GRIP1: variants seen among roughly 807,000 people sequenced by gnomAD.
GRIP1 encodes the protein glutamate receptor-interacting protein 1.
Under a neutral mutation model 129.9 loss-of-function variants are expected in GRIP1, and 45 were observed. That is an observed-to-expected ratio of 0.35 (90% CI 0.27 to 0.44). The LOEUF is 0.44. Among genes scored for constraint, GRIP1 ranks in the 20% least tolerant of loss-of-function variants. The pLI is 1.00. For synonymous variants in GRIP1, 530 were observed against 520.8 expected (o/e 1.02, Z -0.24); for missense variants, 1,196 against 1,396.8 (o/e 0.86, Z 2.29).
chr12:67,030,917 C>G (rs1462901433), intron 1 of GRIP1, among the ~76,000 whole-genome samples: 1 of 152,050 alleles, frequency 6.6e-6, no homozygotes, highest in South Asian at 2.1e-4. Flanking sequence ...TCATTTTTTT[C>G]AAGCAACTGC....
intron 14 of GRIP1, among the ~76,000 whole-genome samples, chr12:66,423,684 G>T (rs546963741): frequency 6.6e-6 from 1 of 152,300 alleles, no homozygotes; most frequent in African/African-American, 2.4e-5. Flanking sequence ...AGGAGAGACA[G>T]GGCTGGTTAA....
chr12:66,367,454 CT>C (rs2055219249), intron 23 of GRIP1, among the ~76,000 whole-genome samples: 1 of 151,954 alleles, frequency 6.6e-6, no homozygotes, highest in African/African-American at 2.4e-5. Context: ...CCCATGCTCC[CT>C]GAAAGTGCTG....
chr12:66,371,603 G>A (rs528109557), intron 23 of GRIP1, 91 bp downstream of exon 23: 10 of 835,508 alleles, frequency 1.2e-5, no homozygotes, highest in African/African-American at 9.9e-5. Flanking sequence ...CCCATAGGAG[G>A]ATACCATTGC....
chr12:66,564,238 T>A (rs1273140541), intron 2 of GRIP1: 1 of 151,364 alleles, frequency 6.6e-6, no homozygotes, highest in Non-Finnish European at 1.5e-5. Flanking sequence ...TAACTCATCA[T>A]TTACATTAGG....
chr12:66,883,378 AC>A, intron 1 of GRIP1, among the ~76,000 whole-genome samples: 1 of 152,188 alleles, frequency 6.6e-6, no homozygotes, highest in Non-Finnish European at 1.5e-5. Flanking sequence ...CCATCAAAAT[AC>A]CCAACCCATG....
intron 19 of GRIP1, among the ~76,000 whole-genome samples, chr12:66,390,960 C>T (rs1272461889): frequency 6.6e-6 from 1 of 152,222 alleles, no homozygotes; most frequent in Admixed American, 6.5e-5. Context: ...CACCTAACTC[C>T]AGTATCATCT....
intron 1 of GRIP1, among the ~76,000 whole-genome samples, chr12:66,722,450 T>C (rs2036086942): frequency 6.6e-6 from 1 of 152,152 alleles, no homozygotes; most frequent in African/African-American, 2.4e-5. Context: ...GTGCAGGTCA[T>C]GGTGCCCCAA....
upstream of GRIP1, among the ~76,000 whole-genome samples, chr12:66,807,900 A>AT (rs761734338): frequency 1.1e-4 from 16 of 151,814 alleles, no homozygotes; most frequent in South Asian, 2.1e-4. Flanking sequence ...ACACTTCTGA[A>AT]TTTTTTCCCA....
intron 2 of GRIP1, among the ~76,000 whole-genome samples, chr12:66,584,891 T>A (rs1199699105): frequency 6.6e-6 from 1 of 151,886 alleles, no homozygotes; most frequent in African/African-American, 2.4e-5. Context: ...ACCTCTTATT[T>A]CACTAAGGAA....
intron 7 of GRIP1, among the ~76,000 whole-genome samples, chr12:66,496,143 T>C (rs113956375): frequency 0.01 from 1,551 of 152,256 alleles, 9 homozygotes; most frequent in Admixed American, 0.022. Flanking sequence ...AAGTCTCCAG[T>C]GAGCTGGAAA....
intron 14 of GRIP1, among the ~76,000 whole-genome samples, chr12:66,424,939 G>A (rs1427222953): frequency 6.6e-6 from 1 of 151,934 alleles, no homozygotes; most frequent in Non-Finnish European, 1.5e-5. Flanking sequence ...GAAACCCAGA[G>A]GTTCTCTTCT....
chr12:66,742,397 A>T (rs1218032661), intron 1 of GRIP1, among the ~76,000 whole-genome samples: 2 of 152,202 alleles, frequency 1.3e-5, no homozygotes, highest in African/African-American at 4.8e-5. Flanking sequence ...AAATTGCTAC[A>T]CGCAGCTATG....
chr12:66,832,128 C>T (rs1383457183), intron 1 of GRIP1, among the ~76,000 whole-genome samples: 1 of 152,160 alleles, frequency 6.6e-6, no homozygotes, highest in Non-Finnish European at 1.5e-5. Flanking sequence ...CACCTTGCTA[C>T]TAAATCATTT....
chr12:66,731,241 T>C (rs905019333), intron 1 of GRIP1, among the ~76,000 whole-genome samples: 3 of 152,222 alleles, frequency 2.0e-5, no homozygotes, highest in African/African-American at 7.2e-5. Flanking sequence ...GTCTTTGTTA[T>C]AAGTACCATT....
At chr12:66,617,998 C>G (rs187210449) in intron 1 of GRIP1, among the ~76,000 whole-genome samples, 120 of 152,008 alleles carry the variant, frequency 7.9e-4, no homozygotes, top group African/African-American at 2.7e-3. Flanking sequence ...ACCATTTGAC[C>G]CAGAATTCTA....
intron 1 of GRIP1, among the ~76,000 whole-genome samples, chr12:66,813,856 T>G (rs2039153303): frequency 6.6e-6 from 1 of 152,058 alleles, no homozygotes. Flanking sequence ...CAGTGCACAG[T>G]GTTAAATAGG....
intron 15 of GRIP1, among the ~76,000 whole-genome samples, chr12:66,413,216 A>G (rs1239452995): frequency 6.6e-6 from 1 of 152,222 alleles, no homozygotes; most frequent in East Asian, 1.9e-4. Flanking sequence ...GAAGTAAAAC[A>G]TTCCTCAGCA....
intron 1 of GRIP1, among the ~76,000 whole-genome samples, chr12:67,028,352 T>C (rs1035361244): frequency 8.5e-5 from 13 of 152,186 alleles, no homozygotes; most frequent in African/African-American, 3.1e-4. Flanking sequence ...ACATTAAAAT[T>C]AAAGAACAGT....
intron 11 of GRIP1, among the ~76,000 whole-genome samples, chr12:66,447,662 C>T (rs11176185): frequency 0.074 from 11,167 of 151,830 alleles, 1,099 homozygotes; most frequent in African/African-American, 0.22. Flanking sequence ...GTTTTTAATA[C>T]TATCCCTTTC....
Sources: allele counts gnomAD v4.1 joint callset (sites outside exome capture counted in the v4.1 genomes callset), GRCh38; gene constraint gnomAD v4.1.1; transcripts MANE v1.5; gene names NCBI Gene and HGNC (gene_info 2026-07-23, HGNC 2026-07-21).